Variants in CHKA observed in about 807,000 individuals in gnomAD.
CHKA encodes CHETK-alpha.
CHKA carries 34 observed loss-of-function variants against 60.1 expected under a neutral mutation model. The ratio of observed to expected loss-of-function variants is 0.57; its 90% confidence interval spans 0.43 to 0.75. The LOEUF (loss-of-function observed/expected upper bound fraction) is 0.75. Among genes scored for constraint, CHKA ranks in the 30% least tolerant of loss-of-function variants. The pLI is 0.00. For synonymous variants in CHKA, 217 were observed against 223.1 expected, an observed-to-expected ratio of 0.97 and a Z score of 0.24; for missense variants, 563 against 561.3, an observed-to-expected ratio of 1.00 and a Z score of -0.03.
chr11:68,065,708 A>G, intron 9 of CHKA, 78 bp downstream of exon 9: 3 of 1,040,144 alleles, frequency 2.9e-6, no homozygotes, highest in Admixed American at 1.8e-5. Context: ...CTCAAAAAAT[A>G]AAAAAGAAGA....
intron 10 of CHKA, 130 bp downstream of exon 10, chr11:68,064,395 A>G (rs1007418051): frequency 4.0e-5 from 20 of 503,908 alleles, no homozygotes; most frequent in Admixed American, 8.8e-5. Context: ...GTGACAGAGC[A>G]AGACTCTGTC....
At chr11:68,104,546 G>A (rs1246172695) in intron 1 of CHKA, among the ~76,000 whole-genome samples, 2 of 151,876 alleles carry the variant, frequency 1.3e-5, no homozygotes, top group African/African-American at 2.4e-5. Context: ...TTAGTCTCCT[G>A]AGTAGCTAGG....
At chr11:68,065,657 C>T (rs1018126305) in intron 9 of CHKA, 129 bp downstream of exon 9, 46 of 645,836 alleles carry the variant, frequency 7.1e-5, no homozygotes, top group African/African-American at 6.8e-4. Context: ...GCCATGATCG[C>T]ACTACTGCAC....
At chr11:68,113,459 G>A (rs1044421279) in intron 1 of CHKA, among the ~76,000 whole-genome samples, 3 of 152,156 alleles carry the variant, frequency 2.0e-5, no homozygotes, top group African/African-American at 7.2e-5. Flanking sequence ...CACTTTGGGA[G>A]GCCGAGGTGG....
chr11:68,116,334 C>T (rs932299761), intron 1 of CHKA, among the ~76,000 whole-genome samples: 6 of 151,998 alleles, frequency 3.9e-5, no homozygotes, highest in East Asian at 1.9e-4. Flanking sequence ...GCTCTTTGGG[C>T]GGAGGCAGGC....
At chr11:68,094,404 G>A (rs765309102) in intron 2 of CHKA, among the ~76,000 whole-genome samples, 4 of 152,108 alleles carry the variant, frequency 2.6e-5, no homozygotes, top group Non-Finnish European at 5.9e-5. Context: ...AGCTGGGCGT[G>A]GTGGCTCACT....
intron 2 of CHKA, among the ~76,000 whole-genome samples, chr11:68,091,100 T>A (rs1857335118): frequency 6.6e-6 from 1 of 152,176 alleles, no homozygotes; most frequent in Admixed American, 6.5e-5. Context: ...CTTCCCAGTA[T>A]CAGAAAGGAA....
intron 6 of CHKA, 148 bp from the exon 7 acceptor site, chr11:68,069,085 C>T (rs1478051416): frequency 2.0e-5 from 12 of 610,538 alleles, no homozygotes; most frequent in South Asian, 1.1e-4. Context: ...CTGACAACTG[C>T]GTCATTACGT....
intron 1 of CHKA, among the ~76,000 whole-genome samples, chr11:68,109,660 A>C (rs1372586112): frequency 6.6e-6 from 1 of 152,204 alleles, no homozygotes; most frequent in Non-Finnish European, 1.5e-5. Flanking sequence ...AACATTCAAA[A>C]ATCAACAATA....
chr11:68,112,346 T>A (rs1858186887), intron 1 of CHKA, among the ~76,000 whole-genome samples: 1 of 152,014 alleles, frequency 6.6e-6, no homozygotes, highest in South Asian at 2.1e-4. Context: ...AACCTCCGCC[T>A]CCCGGGTTCA....
At chr11:68,072,871 T>G (rs1173999023) in intron 4 of CHKA, among the ~76,000 whole-genome samples, 1 of 152,156 alleles carries the variant, frequency 6.6e-6, no homozygotes, top group Non-Finnish European at 1.5e-5. Context: ...GGTGTGCACC[T>G]GTACTCCCAG....
chr11:68,096,696 C>A (rs1351242739), intron 2 of CHKA, among the ~76,000 whole-genome samples: 1 of 152,064 alleles, frequency 6.6e-6, no homozygotes. Flanking sequence ...TAATCTAAAT[C>A]TGAGCTGAAA....
rs1280438930 is a variant in CHKA, at chr11:68,084,401, CG to C, written c.463-2945del. 8.1e-5 allele frequency among the ~76,000 whole-genome samples: 7 copies of C among 85,992 alleles called. No homozygotes were observed. In the East Asian group the frequency reaches 2.5e-3, roughly 31 times the overall value. The allele number at this position is 85,992 out of a possible 152,430, so 56.4% of individuals were successfully genotyped here. On this transcript the variant is annotated intron_variant, in intron 2 of 11. Coordinates refer to ENST00000265689, the MANE Select transcript of CHKA (RefSeq NM_001277.3). The stretch of plus-strand genomic sequence containing the variant: ...ATGTGTATATATATACACACATATA[CG>C]TATATATGTGTATATATATATACAC...
rs538059553 is a variant in CHKA at position 68,087,538 on chromosome 11, T to C, written c.463-6081A>G. On this transcript the variant is annotated intron_variant, in intron 2 of 11. Transcript: ENST00000265689. ...ATAGAAATAGGTACTATGTTAAATA[T>C]AATGGTGGCTGCTGAACTAAAATGA... Among the ~76,000 whole-genome samples the C allele has an allele frequency of 3.3e-5, 5 of 152,078 alleles. No homozygotes were observed. The South Asian group carries it at 1.0e-3, about 32-fold the overall frequency.
intron 11 of CHKA, among the ~76,000 whole-genome samples, chr11:68,060,030 C>CTTTTTTTT (rs1273937830): frequency 1.9e-5 from 2 of 104,848 alleles, no homozygotes. Context: ...TAGAGTTTCA[C>CTTTTTTTT]TCTTTTTTTT....
intron 11 of CHKA, among the ~76,000 whole-genome samples, chr11:68,060,369 G>A (rs978012315): frequency 5.3e-5 from 8 of 151,216 alleles, no homozygotes; most frequent in Non-Finnish European, 1.2e-4. Flanking sequence ...GAGTGCAATG[G>A]CGCCATCTCG....
chr11:68,118,366 G>A (rs1858473597), intron 1 of CHKA, among the ~76,000 whole-genome samples: 1 of 152,232 alleles, frequency 6.6e-6, no homozygotes, highest in Admixed American at 6.5e-5. Context: ...ACCAGAGCCT[G>A]GGAAGTCGAG....
chr11:68,114,195 C>G (rs900388612), intron 1 of CHKA, among the ~76,000 whole-genome samples: 2 of 152,172 alleles, frequency 1.3e-5, no homozygotes, highest in African/African-American at 4.8e-5. Flanking sequence ...GTAACTCTCA[C>G]CATATGACCA....
chr11:68,110,571 T>C (rs916780693), intron 1 of CHKA, among the ~76,000 whole-genome samples: 2 of 152,196 alleles, frequency 1.3e-5, no homozygotes, highest in African/African-American at 4.8e-5. Context: ...TCACTCAATG[T>C]GTATTGAGTC....
Sources: gnomAD v4.1 joint callset for allele counts (sites outside exome capture counted in the v4.1 genomes callset) on GRCh38, gnomAD v4.1.1 for gene constraint, MANE v1.5 for transcripts, NCBI Gene and HGNC (gene_info 2026-07-23, HGNC 2026-07-21) for gene names.